The following L3MBTL4 variants were observed in gnomAD, a reference collection of about 807,000 sequenced individuals.
L3MBTL4 encodes L3MBTL histone methyl-lysine binding protein 4, also known as lethal(3)malignant brain tumor-like protein 4.
A neutral mutation model predicts 84.5 loss-of-function variants in L3MBTL4; 70 were observed. That is an observed-to-expected ratio of 0.83 (90% CI 0.68 to 1.01). L3MBTL4 has a LOEUF of 1.01. Ranked by LOEUF, L3MBTL4 falls within the 50% of genes least tolerant of loss-of-function variation. The pLI is 0.00. For synonymous variants in L3MBTL4, 274 were observed against 259.8 expected (o/e 1.05, Z -0.52); for missense variants, 715 against 754.8 (o/e 0.95, Z 0.62).
At chr18:6,240,220 C>G (rs2047396795) in intron 8 of L3MBTL4, among the ~76,000 whole-genome samples, 1 of 152,008 alleles carries the variant, frequency 6.6e-6, no homozygotes, top group African/African-American at 2.4e-5. Context: ...AAATAACCTT[C>G]TCTGCTTCCC....
At chr18:5,968,509 G>C (rs1436564062) in intron 17 of L3MBTL4, among the ~76,000 whole-genome samples, 2 of 151,850 alleles carry the variant, frequency 1.3e-5, no homozygotes, top group Non-Finnish European at 2.9e-5. Context: ...ACTAGCATGG[G>C]CAACATAATG....
At chr18:6,069,614 T>A (rs2057514083) in intron 16 of L3MBTL4, among the ~76,000 whole-genome samples, 1 of 152,046 alleles carries the variant, frequency 6.6e-6, no homozygotes, top group Non-Finnish European at 1.5e-5. Context: ...TGGGAGGTGG[T>A]TCTCAGGCCA....
At chr18:6,098,701 C>T (rs960270782) in intron 14 of L3MBTL4, among the ~76,000 whole-genome samples, 1 of 152,188 alleles carries the variant, frequency 6.6e-6, no homozygotes, top group Non-Finnish European at 1.5e-5. Flanking sequence ...CTAAATGCAA[C>T]TAACTCACCC....
intron 3 of L3MBTL4, among the ~76,000 whole-genome samples, chr18:6,304,436 C>T (rs1401291446): frequency 6.6e-6 from 1 of 152,226 alleles, no homozygotes; most frequent in Non-Finnish European, 1.5e-5. Flanking sequence ...GTACTATAAG[C>T]CAATGCTTCT....
rs529986625 is a variant in L3MBTL4 at position 6,066,943 on chromosome 18, A to G, written c.1444+13938T>C. Among the ~76,000 whole-genome samples the G allele has an allele frequency of 6.4e-5, 9 of 141,674 alleles. No individual in the cohort carries two copies. The South Asian group carries it at 1.8e-3, about 28-fold the overall frequency. The allele number at this position is 141,674 out of a possible 152,430, so 92.9% of individuals were successfully genotyped here. The stretch of plus-strand genomic sequence containing the variant: ...TTGTTTTTTTTTTTTTCATTGTGTT[A>G]TTGTTTTATAGGACTTGTGAGATTT... On this transcript the variant is annotated intron_variant, in intron 16 of 18. Coordinates refer to ENST00000317931, the MANE Select transcript of L3MBTL4 (RefSeq NM_001330559.2).
chr18:6,246,046 AT>A (rs1372552189), intron 5 of L3MBTL4, among the ~76,000 whole-genome samples: 4 of 152,210 alleles, frequency 2.6e-5, no homozygotes. Flanking sequence ...CCATACTTGA[AT>A]TGATTGGCAA....
chr18:6,166,333 T>C (rs1190196404), intron 13 of L3MBTL4, among the ~76,000 whole-genome samples: 2 of 151,912 alleles, frequency 1.3e-5, no homozygotes, highest in East Asian at 1.9e-4. Context: ...GCGGACCTAA[T>C]AGACATCTAC....
At chr18:6,076,668 G>A (rs2057865121) in intron 16 of L3MBTL4, among the ~76,000 whole-genome samples, 2 of 107,602 alleles carry the variant, frequency 1.9e-5, no homozygotes, top group Admixed American at 2.1e-4. Flanking sequence ...ATATGATTCT[G>A]CACTGGTAAA....
chr18:6,315,771 G>A (rs978686409), intron 1 of L3MBTL4, among the ~76,000 whole-genome samples: 1 of 152,236 alleles, frequency 6.6e-6, no homozygotes, highest in Non-Finnish European at 1.5e-5. Flanking sequence ...TCGCCCTCAT[G>A]TGGAGCCTGT....
chr18:6,321,933 C>A (rs1037489797), intron 1 of L3MBTL4, among the ~76,000 whole-genome samples: 6 of 151,988 alleles, frequency 3.9e-5, no homozygotes, highest in East Asian at 1.9e-4. Context: ...GAAAAAAAAA[C>A]TACATATTTG....
chr18:6,005,037 T>TTTTTTC (rs2054407378), intron 16 of L3MBTL4, among the ~76,000 whole-genome samples: 1 of 142,100 alleles, frequency 7.0e-6, no homozygotes, highest in Admixed American at 7.0e-5. Flanking sequence ...TACTTTTAGT[T>TTTTTTC]CAGGAGTACG....
chr18:6,110,861 A>C (rs2059174651), intron 14 of L3MBTL4, among the ~76,000 whole-genome samples: 1 of 152,094 alleles, frequency 6.6e-6, no homozygotes, highest in African/African-American at 2.4e-5. Context: ...GGATAGACGC[A>C]TTCTCATTTT....
intron 14 of L3MBTL4, among the ~76,000 whole-genome samples, chr18:6,103,332 T>C (rs2058895495): frequency 6.6e-6 from 1 of 152,232 alleles, no homozygotes; most frequent in Non-Finnish European, 1.5e-5. Context: ...TTTTCACCTT[T>C]TTAATTGTAA....
In L3MBTL4 at chr18:6,142,229, G is replaced by A. The variant is rs939046709; in HGVS notation, c.1097-3933C>T. ...ACAGGCATGAGTCTAGTTCACCACT[G>A]TGTCACCAGTATCTAGCCCAACACA... On this transcript the variant is annotated intron_variant, in intron 13 of 18. Transcript: ENST00000317931. Among the ~76,000 whole-genome samples, 3 of 152,352 alleles carry A rather than the reference G, an allele frequency of 2.0e-5. No homozygotes were observed. In the East Asian group the frequency reaches 5.8e-4, roughly 29 times the overall value.
At chr18:6,401,200 T>C (rs1025930932) in intron 1 of L3MBTL4, among the ~76,000 whole-genome samples, 2 of 152,204 alleles carry the variant, frequency 1.3e-5, no homozygotes, top group Non-Finnish European at 2.9e-5. Flanking sequence ...ATAATGACTA[T>C]TAAATCAATA....
At chr18:6,158,622 G>A (rs8098696) in intron 13 of L3MBTL4, among the ~76,000 whole-genome samples, 2,002 of 152,218 alleles carry the variant, frequency 0.013, 46 homozygotes, top group African/African-American at 0.045. Flanking sequence ...CATTGGAGTG[G>A]GCATCTATTT....
intron 13 of L3MBTL4, among the ~76,000 whole-genome samples, chr18:6,148,036 C>T (rs1487943137): frequency 2.0e-5 from 3 of 152,000 alleles, no homozygotes; most frequent in Admixed American, 6.6e-5. Flanking sequence ...AATGATTTGA[C>T]CTGTAGACTC....
intron 16 of L3MBTL4, among the ~76,000 whole-genome samples, chr18:6,016,957 A>T (rs1169043701): frequency 6.6e-6 from 1 of 152,014 alleles, no homozygotes; most frequent in Non-Finnish European, 1.5e-5. Flanking sequence ...CCTCCTGACC[A>T]TCCGCCTCTC....
intron 16 of L3MBTL4, among the ~76,000 whole-genome samples, chr18:6,003,784 T>C (rs1053676927): frequency 6.6e-6 from 1 of 152,004 alleles, no homozygotes. Flanking sequence ...AAATAATCAA[T>C]GGGTCAAAGA....
Sources: gnomAD v4.1 joint callset for allele counts (sites outside exome capture counted in the v4.1 genomes callset) on GRCh38, gnomAD v4.1.1 for gene constraint, MANE v1.5 for transcripts, NCBI Gene and HGNC (gene_info 2026-07-23, HGNC 2026-07-21) for gene names.